MTUS1: variants seen among roughly 807,000 people sequenced by gnomAD.
MTUS1 encodes microtubule-associated tumor suppressor 1.
A neutral mutation model predicts 120.8 loss-of-function variants in MTUS1; 109 were observed. The ratio of observed to expected loss-of-function variants is 0.90; its 90% confidence interval spans 0.77 to 1.06. The LOEUF is 1.06. MTUS1 is among the 50% of genes least tolerant of loss of function. The probability of loss-of-function intolerance (pLI) is 0.00; values close to 1 mark genes in which losing one functional copy is unlikely to be tolerated. For missense variants in MTUS1, 2,210 were observed against 1,486.3 expected (o/e 1.49, Z -8.01); for synonymous variants, 737 against 550.5 (o/e 1.34, Z -4.74).
chr8:17,656,952 G>A (rs1411841812), intron 8 of MTUS1, among the ~76,000 whole-genome samples: 4 of 150,886 alleles, frequency 2.7e-5, no homozygotes, highest in Non-Finnish European at 5.9e-5. Flanking sequence ...CCAGCTACTC[G>A]GGAAGTTGAG....
At chr8:17,712,605 C>T (rs1384530401) in intron 6 of MTUS1, among the ~76,000 whole-genome samples, 1 of 152,162 alleles carries the variant, frequency 6.6e-6, no homozygotes, top group African/African-American at 2.4e-5. Flanking sequence ...TCCCAAAGTG[C>T]TGGGATTACA....
At chr8:17,713,152 T>C (rs1232160651) in intron 6 of MTUS1, 62 bp downstream of exon 6, 23 of 1,285,470 alleles carry the variant, frequency 1.8e-5, no homozygotes, top group South Asian at 1.2e-4. Context: ...CTGTAAATAC[T>C]TGTAGTAACA....
At chr8:17,697,456 A>G in intron 6 of MTUS1, 1 of 1,555,370 alleles carries the variant, frequency 6.4e-7, no homozygotes. Flanking sequence ...TAAACTCAGT[A>G]CTCTTCAAGG....
At chr8:17,681,058 C>T (rs189900772) in intron 7 of MTUS1, among the ~76,000 whole-genome samples, 75 of 152,184 alleles carry the variant, frequency 4.9e-4, no homozygotes, top group African/African-American at 1.6e-3. Flanking sequence ...CTTAGCCTCC[C>T]GAGTAGCTGG....
In MTUS1 at chr8:17,754,340, T is replaced by A. The variant is rs766067467; in HGVS notation, c.1468A>T (p.Ile490Leu). ...TCAGTTTTTCTAACTTTGCAGCCTA[T>A]TGGGGTATTCGTTTTGATTGTTGAT... ...GKSTIKTNTP[I>L]GCKVRKTEII... The change falls in exon 2 of 15, where the codon ATA becomes TTA. Residue 490 changes from isoleucine (I) to leucine (L), a missense_variant. By Grantham distance (5) the Ile-to-Leu change is conservative. Coordinates refer to ENST00000693296, the MANE Select transcript of MTUS1 (RefSeq NM_001363059.2). 6.2e-7 allele frequency: 1 copy of A among 1,614,172 alleles called. No homozygotes were observed. The highest frequency in any genetic ancestry group is 8.5e-7 in the Non-Finnish European group (1 of 1,180,028).
rs1425565164 is a variant in MTUS1 at position 17,645,898 on chromosome 8, CAG to C, written c.*26_*27del. ...CTGCAGACCTGCATCAAAATGCTTT[CAG>C]AGAGTCTGTGGACTTTGGGGAGGTG... is the stretch of plus-strand genomic sequence containing the variant. On this transcript the variant is annotated 3_prime_UTR_variant, in exon 15 of 15. Coordinates refer to ENST00000693296, the MANE Select transcript of MTUS1 (RefSeq NM_001363059.2). The C allele has an allele frequency of 2.3e-5, 36 of 1,598,096 alleles. No individual in the cohort carries two copies. The highest frequency in any genetic ancestry group is 4.5e-5 in the East Asian group (2 of 44,596).
intron 7 of MTUS1, chr8:17,676,268 C>A (rs1325810857): frequency 4.3e-6 from 3 of 703,064 alleles, no homozygotes; most frequent in Non-Finnish European, 7.8e-6. Flanking sequence ...TAAACAAATA[C>A]TAATTACCCT....
intron 3 of MTUS1, among the ~76,000 whole-genome samples, chr8:17,724,883 T>C (rs995804739): frequency 5.9e-5 from 9 of 152,294 alleles, no homozygotes; most frequent in Admixed American, 2.6e-4. Flanking sequence ...ACTCTAGGTT[T>C]TCATCTTAGA....
chr8:17,717,413 T>G (rs1263512790), intron 4 of MTUS1, among the ~76,000 whole-genome samples: 2 of 152,222 alleles, frequency 1.3e-5, no homozygotes, highest in African/African-American at 4.8e-5. Context: ...GGGTTTCAAT[T>G]AGCATTTTAG....
chr8:17,680,941 CT>C (rs148648178), intron 7 of MTUS1, among the ~76,000 whole-genome samples: 17 of 149,204 alleles, frequency 1.1e-4, no homozygotes, highest in Admixed American at 2.0e-4. Context: ...TGCTTTTTTT[CT>C]TTTTTTTTTA....
At chr8:17,674,623 G>C (rs574322849) in intron 8 of MTUS1, 1 of 986,592 alleles carries the variant, frequency 1.0e-6, no homozygotes, top group Non-Finnish European at 1.2e-6. Context: ...GTAAACTGCA[G>C]GGCTGGGTGG....
intron 3 of MTUS1, among the ~76,000 whole-genome samples, chr8:17,737,002 A>G (rs142595111): frequency 3.2e-4 from 48 of 152,298 alleles, no homozygotes; most frequent in South Asian, 1.7e-3. Context: ...TGTGCACTTC[A>G]TTCCAGCACT....
chr8:17,667,445 G>T (rs889664554), intron 8 of MTUS1, among the ~76,000 whole-genome samples: 1 of 152,122 alleles, frequency 6.6e-6, no homozygotes, highest in African/African-American at 2.4e-5. Flanking sequence ...GATAAAAACG[G>T]AACAGTGAAT....
intron 1 of MTUS1, among the ~76,000 whole-genome samples, chr8:17,791,277 T>C (rs2051761482): frequency 6.6e-6 from 1 of 152,258 alleles, no homozygotes; most frequent in South Asian, 2.1e-4. Flanking sequence ...ATATTTACAA[T>C]GTGCTTGCCA....
At chr8:17,790,559 T>G (rs1029877631) in intron 1 of MTUS1, among the ~76,000 whole-genome samples, 43 of 152,340 alleles carry the variant, frequency 2.8e-4, no homozygotes, top group African/African-American at 9.9e-4. Flanking sequence ...TCTCTAACTG[T>G]CAATTTTTCA....
intron 12 of MTUS1, 117 bp from the exon 13 acceptor site, chr8:17,650,079 C>G: frequency 2.8e-6 from 2 of 718,806 alleles, no homozygotes; most frequent in Admixed American, 2.3e-5. Context: ...TGTTCATCAT[C>G]TTAGAGCAAT....
At chr8:17,744,528 C>G (rs1196295459) in intron 2 of MTUS1, among the ~76,000 whole-genome samples, 5 of 152,124 alleles carry the variant, frequency 3.3e-5, no homozygotes, top group Admixed American at 1.3e-4. Flanking sequence ...TCAAGTGATT[C>G]TCCTGCCTCA....
At chr8:17,718,484 T>C (rs1822755739) in intron 4 of MTUS1, among the ~76,000 whole-genome samples, 2 of 152,154 alleles carry the variant, frequency 1.3e-5, no homozygotes, top group Admixed American at 6.5e-5. Flanking sequence ...ATATCGGGTA[T>C]GGGAATAGAC....
At chr8:17,703,812 T>A (rs958045827) in intron 6 of MTUS1, among the ~76,000 whole-genome samples, 1 of 152,132 alleles carries the variant, frequency 6.6e-6, no homozygotes, top group South Asian at 2.1e-4. Context: ...CTGCTGAACA[T>A]AGACCCTTAT....
Sources: allele counts gnomAD v4.1 joint callset (sites outside exome capture counted in the v4.1 genomes callset), GRCh38; gene constraint gnomAD v4.1.1; transcripts MANE v1.5; gene names NCBI Gene and HGNC (gene_info 2026-07-23, HGNC 2026-07-21).